Variants in PMM2 observed in about 807,000 individuals in gnomAD.
PMM2 encodes the protein phosphomannomutase 2.
PMM2 carries 35 observed loss-of-function variants against 33.2 expected under a neutral mutation model. That is an observed-to-expected ratio of 1.06 (90% CI 0.81 to 1.40). PMM2 has a LOEUF of 1.40. PMM2 is among the 40% of genes most tolerant of loss of function. PMM2 has a pLI of 0.00. For synonymous variants in PMM2, 153 were observed against 114.7 expected (o/e 1.33, Z -2.13); for missense variants, 386 against 306.0 (o/e 1.26, Z -1.95).
intron 7 of PMM2, among the ~76,000 whole-genome samples, chr16:8,834,689 G>A (rs1168499293): frequency 6.6e-6 from 1 of 151,804 alleles, no homozygotes; most frequent in Admixed American, 6.6e-5. Flanking sequence ...GAAAGGAAAT[G>A]AGACGTTCTA....
Position 8,798,207 on chromosome 16 carries a change from G to A in PMM2, c.66+259G>A, listed in dbSNP as rs186745383. ...GGAAACTTGTGCTAGGTTGGAAAAT[G>A]TAATCTGGACTCACCGCTAGTGCTC... On this transcript the variant is annotated intron_variant, in intron 1 of 7. Transcript: ENST00000268261. Among the ~76,000 whole-genome samples the A allele has an allele frequency of 3.3e-5, 5 of 152,338 alleles. No individual in the cohort carries two copies. In the East Asian group the frequency reaches 9.6e-4, roughly 29 times the overall value.
intron 4 of PMM2, chr16:8,807,873 T>C (rs749642799): frequency 2.6e-5 from 4 of 152,130 alleles, no homozygotes; most frequent in Admixed American, 6.5e-5. Context: ...ATAATAGTAA[T>C]AATAATAATG....
At chr16:8,816,324 C>T (rs930864593) in intron 7 of PMM2, among the ~76,000 whole-genome samples, 4 of 151,618 alleles carry the variant, frequency 2.6e-5, no homozygotes, top group Non-Finnish European at 4.4e-5. Flanking sequence ...TGGGGTTTCA[C>T]CATGTTGGCC....
At chr16:8,844,666 C>G (rs1018196271) in intron 7 of PMM2, among the ~76,000 whole-genome samples, 4 of 152,118 alleles carry the variant, frequency 2.6e-5, no homozygotes, top group African/African-American at 9.7e-5. Flanking sequence ...GGCGTCCTTG[C>G]AATGATTAAA....
intron 4 of PMM2, 65 bp downstream of exon 4, chr16:8,806,472 G>A: frequency 2.1e-6 from 2 of 953,052 alleles, no homozygotes; most frequent in South Asian, 1.3e-5. Context: ...GTGGGCTAAT[G>A]TGGGCATTCT....
intron 6 of PMM2, 65 bp downstream of exon 6, chr16:8,811,778 G>A (rs2060679382): frequency 9.5e-7 from 1 of 1,056,126 alleles, no homozygotes; most frequent in African/African-American, 1.6e-5. Flanking sequence ...TTGTGGGCCA[G>A]TGAGCTATTG....
chr16:8,814,052 A>G (rs889118637), intron 7 of PMM2, among the ~76,000 whole-genome samples: 1 of 151,616 alleles, frequency 6.6e-6, no homozygotes, highest in Admixed American at 6.6e-5. Context: ...TTTTTAGTAG[A>G]GATAGGGTTT....
intron 7 of PMM2, among the ~76,000 whole-genome samples, chr16:8,833,194 G>C (rs533695861): frequency 1.3e-5 from 2 of 152,270 alleles, no homozygotes; most frequent in African/African-American, 4.8e-5. Context: ...TGGGATAGGC[G>C]GTGAAGTTAA....
intron 7 of PMM2, among the ~76,000 whole-genome samples, chr16:8,821,195 C>T (rs1049691007): frequency 6.6e-6 from 1 of 152,144 alleles, no homozygotes; most frequent in Non-Finnish European, 1.5e-5. Flanking sequence ...CCTGGAGGGA[C>T]CCTGAGTGAA....
chr16:8,819,314 G>A (rs2060724237), intron 7 of PMM2, among the ~76,000 whole-genome samples: 1 of 152,184 alleles, frequency 6.6e-6, no homozygotes, highest in African/African-American at 2.4e-5. Flanking sequence ...CAAAGTGCAG[G>A]ACAATATAAG....
chr16:8,810,541 A>T (rs1468208079), intron 4 of PMM2: 1 of 152,796 alleles, frequency 6.5e-6, no homozygotes, highest in Non-Finnish European at 1.5e-5. Flanking sequence ...TTTTAATAAT[A>T]TATTTTATTT....
chr16:8,840,800 G>A (rs1209161870), intron 7 of PMM2, among the ~76,000 whole-genome samples: 1 of 151,918 alleles, frequency 6.6e-6, no homozygotes, highest in Non-Finnish European at 1.5e-5. Flanking sequence ...GTCCATCGAG[G>A]TTGTAGAGTT....
intron 7 of PMM2, chr16:8,833,097 C>T (rs1196054968): frequency 5.7e-6 from 1 of 175,446 alleles, no homozygotes; most frequent in Admixed American, 6.5e-5. Context: ...AGCAACATGG[C>T]TGTTTTTTTC....
Position 8,813,017 on chromosome 16 carries a change from C to G in PMM2, c.550C>G (p.Pro184Ala). The G allele has an allele frequency of 6.2e-7, 1 of 1,613,080 alleles. No homozygotes were observed. The highest frequency in any genetic ancestry group is 8.5e-7 in the Non-Finnish European group (1 of 1,179,014). Residue 184 changes from proline (P) to alanine (A), a missense_variant, in exon 7 of 8, where the codon CCT (proline) becomes GCT (alanine). Pro to Ala is a conservative substitution (Grantham distance 27, BLOSUM62 -1). Coordinates refer to ENST00000268261, the MANE Select transcript of PMM2 (RefSeq NM_000303.3). ...IGGQISFDVFPDGWDKRYCLR... is the reference protein window; with the variant it reads ...IGGQISFDVFADGWDKRYCLR... ...AGGCCAGATCAGCTTTGATGTCTTT[C>G]CTGATGGATGGGACAAGAGATACTG... is the stretch of plus-strand genomic sequence containing the variant.
intron 4 of PMM2, 63 bp from the exon 5 acceptor site, chr16:8,811,016 T>C: frequency 3.2e-6 from 2 of 632,964 alleles, no homozygotes; most frequent in Non-Finnish European, 5.1e-6. Flanking sequence ...TTAGGCTGTT[T>C]ATCTATGTTG....
chr16:8,811,013 G>C, intron 4 of PMM2, 66 bp from the exon 5 acceptor site: 1 of 820,450 alleles, frequency 1.2e-6, no homozygotes, highest in Non-Finnish European at 1.9e-6. Context: ...ATTTTAGGCT[G>C]TTTATCTATG....
At chr16:8,810,104 G>A (rs888178610) in intron 4 of PMM2, 4 of 152,152 alleles carry the variant, frequency 2.6e-5, no homozygotes, top group African/African-American at 7.2e-5. Flanking sequence ...GAGGTACCGC[G>A]CCCAGCCAAA....
chr16:8,839,865 A>G (rs1167056278), intron 7 of PMM2, among the ~76,000 whole-genome samples: 1 of 19,454 alleles, frequency 5.1e-5, no homozygotes, highest in Non-Finnish European at 1.6e-4. Context: ...AGGTCCGAAT[A>G]TGGGGGGAGA....
intron 7 of PMM2, among the ~76,000 whole-genome samples, chr16:8,845,029 T>G (rs1445961574): frequency 6.6e-6 from 1 of 152,214 alleles, no homozygotes; most frequent in Non-Finnish European, 1.5e-5. Context: ...GCACCAAATT[T>G]CATGCGCGTC....
Sources: gnomAD v4.1 joint callset for allele counts (sites outside exome capture counted in the v4.1 genomes callset) on GRCh38, gnomAD v4.1.1 for gene constraint, MANE v1.5 for transcripts, NCBI Gene and HGNC (gene_info 2026-07-23, HGNC 2026-07-21) for gene names.